The following DSC2 variants were observed in gnomAD, a reference collection of about 807,000 sequenced individuals.
DSC2 encodes the protein desmocollin-2.
In DSC2, 51 loss-of-function variants were observed where a neutral mutation model predicts 87.6. That is an observed-to-expected ratio of 0.58 (90% CI 0.46 to 0.74). The LOEUF is 0.74. DSC2 is among the 30% of genes least tolerant of loss of function. The pLI, the probability that DSC2 is intolerant of heterozygous loss-of-function variation, is 0.00. For synonymous variants in DSC2, 383 were observed against 393.2 expected (o/e 0.97, Z 0.31); for missense variants, 1,066 against 1,089.5 (o/e 0.98, Z 0.30).
Position 31,067,005 on chromosome 18 carries a change from T to C in DSC2, c.*1010A>G, listed in dbSNP as rs892047322. ...TCTTGTTGTTAACACAGAGCACTGC[T>C]TCTAATAAAAGCATGGCATAGTTCT... is the stretch of plus-strand genomic sequence containing the variant. On this transcript the variant is annotated 3_prime_UTR_variant, in exon 16 of 16. Transcript: ENST00000280904. 1.3e-5 allele frequency: 2 copies of C among 152,130 alleles called. No individual in the cohort carries two copies. The highest frequency in any genetic ancestry group is 1.3e-4 in the Admixed American group (2 of 15,264). The allele number at this position is 152,130 out of a possible 1,614,324, so 9.4% of individuals were successfully genotyped here. A position where few individuals can be genotyped will look rare whatever the true frequency, so the allele number is the denominator to read the frequency against.
chr18:31,071,483 C>G, intron 13 of DSC2, 122 bp downstream of exon 13: 2 of 847,012 alleles, frequency 2.4e-6, no homozygotes, highest in Non-Finnish European at 4.0e-6. Flanking sequence ...GAGGCAGAGT[C>G]TGCAGTGAGC....
At chr18:31,091,696 C>A (rs569993894) in intron 3 of DSC2, 2 of 427,918 alleles carry the variant, frequency 4.7e-6, no homozygotes, top group Non-Finnish European at 9.4e-6. Context: ...GTGGTCCAAA[C>A]CTCCTCCTAA....
intron 15 of DSC2, 149 bp from the exon 16 acceptor site, chr18:31,068,361 C>T: frequency 6.2e-7 from 1 of 1,611,058 alleles, no homozygotes; most frequent in East Asian, 2.2e-5. Context: ...ATAAAAAATG[C>T]ACATGATTGG....
chr18:31,091,816 C>T (rs555489543), intron 3 of DSC2, among the ~76,000 whole-genome samples: 12 of 152,032 alleles, frequency 7.9e-5, no homozygotes, highest in East Asian at 1.9e-4. Flanking sequence ...ATCCATTCTA[C>T]GGTAAAGCTC....
At chr18:31,080,420 TATA>T in intron 9 of DSC2, 68 bp from the exon 10 acceptor site, 1 of 1,557,026 alleles carries the variant, frequency 6.4e-7, no homozygotes, top group South Asian at 1.1e-5. Context: ...AACGAGTATA[TATA>T]ATGTTAAATT....
chr18:31,101,112 C>A (rs1987931167), intron 1 of DSC2: 2 of 901,132 alleles, frequency 2.2e-6, no homozygotes, highest in Admixed American at 6.2e-5. Flanking sequence ...GCAGAAAAAT[C>A]GAGTCGCCTC....
chr18:31,089,579 C>T lies in DSC2; in HGVS notation c.490G>A (p.Ala164Thr), dbSNP rs978623916. The T allele has an allele frequency of 5.6e-6, 9 of 1,613,642 alleles. No homozygotes were observed. In the African/African-American group the frequency reaches 1.1e-4, roughly 19 times the overall value. ...GAATAGTATATGGTATAGTTTTGGG[C>T]CGTGTCAGATTGAACCTAGAAAGTA... Reference protein sequence around the residue: ...LFLQQVQSDTAQNYTIYYSIR... With the variant: ...LFLQQVQSDTTQNYTIYYSIR... The change falls in exon 5 of 16, where the codon GCC (alanine) becomes ACC (threonine). Residue 164 changes from alanine to threonine, a missense_variant. By Grantham distance (58) the Ala-to-Thr change is moderately conservative. Transcript: ENST00000280904.
intron 14 of DSC2, among the ~76,000 whole-genome samples, chr18:31,070,327 C>A (rs543857715): frequency 6.6e-6 from 1 of 152,170 alleles, no homozygotes; most frequent in South Asian, 2.1e-4. Flanking sequence ...GTTCTTCCCA[C>A]GATGATCAAG....
rs1987618587 is a variant in DSC2, at chr18:31,092,091, C to G, written c.354+10G>C. 2 of 1,606,098 alleles carry G rather than the reference C, an allele frequency of 1.2e-6. No homozygotes were observed. The highest frequency in any genetic ancestry group is 1.3e-5 in the African/African-American group (1 of 74,774). ...AGATATCATTTCTTCATTTATGTAGCCTTGTATACCTTTGTTTGATGCTCC... is the reference window on the plus strand; with the variant it reads ...AGATATCATTTCTTCATTTATGTAGGCTTGTATACCTTTGTTTGATGCTCC... On this transcript the variant is annotated intron_variant, in intron 3 of 15. Coordinates refer to ENST00000280904, the MANE Select transcript of DSC2 (RefSeq NM_024422.6).
intron 1 of DSC2, among the ~76,000 whole-genome samples, chr18:31,094,664 A>T (rs1987708221): frequency 6.6e-6 from 1 of 152,216 alleles, no homozygotes; most frequent in Non-Finnish European, 1.5e-5. Flanking sequence ...AAATCATCAA[A>T]ATTTGGATGG....
Position 31,061,794 on chromosome 18 carries a change from G to C in DSC2, c.*6221C>G, listed in dbSNP as rs529948889. 6.6e-6 allele frequency: 1 copy of C among 152,156 alleles called. No homozygotes were observed. The highest frequency in any genetic ancestry group is 1.5e-5 in the Non-Finnish European group (1 of 68,026). 9.4% of individuals were successfully genotyped at this position (152,156 alleles called of 1,614,324 possible). ...CAAAAGTAATAGGTTCTGCTTCTTA[G>C]CTATTGATGGGATAAAGAACACAAG... is the stretch of plus-strand genomic sequence containing the variant. On this transcript the variant is annotated 3_prime_UTR_variant, in exon 16 of 16. Coordinates refer to ENST00000280904, the MANE Select transcript of DSC2 (RefSeq NM_024422.6).
Position 31,068,069 on chromosome 18 carries a change from CA to C in DSC2, c.2651del (p.Leu884TrpfsTer11). ...ERQEEDGLEF[L>X]DNLEPKFRTL... ...TCCTAAATTTGGGCTCCAAATTATC[CA>C]AAAATTCAAGCCCATCTTCTTCTTG... On this transcript the variant is annotated frameshift_variant, in exon 16 of 16. Coordinates refer to ENST00000280904, the MANE Select transcript of DSC2 (RefSeq NM_024422.6). LOFTEE classifies it high-confidence loss of function. 6.2e-7 allele frequency: 1 copy of C among 1,613,876 alleles called. No individual in the cohort carries two copies. Among genetic ancestry groups the C allele is most frequent in the South Asian group, 1.1e-5 (1 of 91,056 alleles).
chr18:31,074,928 A>G, intron 11 of DSC2, 21 bp from the exon 12 acceptor site: 1 of 1,597,242 alleles, frequency 6.3e-7, no homozygotes, highest in South Asian at 1.1e-5. Flanking sequence ...GAAAATAAAA[A>G]TAGTTTTTCT....
rs1986488623 is a variant in DSC2 at position 31,060,938 on chromosome 18, C to CA, written c.*7076dup. ...GCTTAATATGTTTTATATGAAAAGG[C>CA]AAATTTTAAATACTTAAGTTTCATA... On this transcript the variant is annotated 3_prime_UTR_variant, in exon 16 of 16. Transcript: ENST00000280904. The CA allele has an allele frequency of 6.6e-6, 1 of 152,104 alleles. No individual in the cohort carries two copies. The highest frequency in any genetic ancestry group is 2.4e-5 in the African/African-American group (1 of 41,408). The allele number at this position is 152,104 out of a possible 1,614,324, so 9.4% of individuals were successfully genotyped here. A position where few individuals can be genotyped will look rare whatever the true frequency, so the allele number is the denominator to read the frequency against.
Position 31,086,597 on chromosome 18 carries a change from T to A in DSC2, c.921A>T (p.Thr307=). The A allele has an allele frequency of 6.2e-7, 1 of 1,614,140 alleles. No individual in the cohort carries two copies. Among genetic ancestry groups the A allele is most frequent in the Non-Finnish European group, 8.5e-7 (1 of 1,179,998 alleles). Residue 307 remains threonine (T), a synonymous_variant, in exon 7 of 16, where the codon ACA becomes ACT. Transcript: ENST00000280904. ...TTACCTCTCTGTCTAGCTGAGATGATGTTGTGGTGATCACGCCTGTAGTTG... is the reference window on the plus strand; with the variant it reads ...TTACCTCTCTGTCTAGCTGAGATGAAGTTGTGGTGATCACGCCTGTAGTTG... The part of the protein sequence containing the change: ...MHPTTGVITT[T]SSQLDRELID...
chr18:31,059,787 T>G lies in DSC2; in HGVS notation c.*8228A>C, dbSNP rs1296575410. ...ACCTATCCTAGTTTTAAAATACTAC[T>G]ATAGTTTATGTCTTTTCCCATTTAA... On this transcript the variant is annotated 3_prime_UTR_variant, in exon 16 of 16. Coordinates refer to ENST00000280904, the MANE Select transcript of DSC2 (RefSeq NM_024422.6). The G allele has an allele frequency of 1.3e-5, 2 of 152,238 alleles. No individual in the cohort carries two copies. Among genetic ancestry groups the G allele is most frequent in the Non-Finnish European group, 2.9e-5 (2 of 68,038 alleles). The allele number at this position is 152,238 out of a possible 1,614,324, so 9.4% of individuals were successfully genotyped here.
chr18:31,068,958 T>C lies in DSC2; in HGVS notation c.2444A>G (p.Glu815Gly), dbSNP rs1473364512. 1 of 1,614,078 alleles carries C rather than the reference T, an allele frequency of 6.2e-7. No homozygotes were observed. Among genetic ancestry groups the C allele is most frequent in the Admixed American group, 1.7e-5 (1 of 60,018 alleles). ...TLDSCRGGHT[E>G]VDNCRYTYSE... Reference sequence around the variant, plus strand: ...GTAAGTGTATCTGCAGTTGTCCACCTCCGTGTGTCCTCCCCTGCAGGAGTC... The same window carrying C: ...GTAAGTGTATCTGCAGTTGTCCACCCCCGTGTGTCCTCCCCTGCAGGAGTC... The change falls in exon 15 of 16, where the codon GAG becomes GGG. Residue 815 changes from glutamate (E) to glycine (G), a missense_variant. By Grantham distance (98) the Glu-to-Gly change is moderately conservative. Coordinates refer to ENST00000280904, the MANE Select transcript of DSC2 (RefSeq NM_024422.6).
In DSC2 at chr18:31,062,964, G is replaced by A. The variant is rs1353443762; in HGVS notation, c.*5051C>T. 1.3e-5 allele frequency: 2 copies of A among 152,128 alleles called. No individual in the cohort carries two copies. Among genetic ancestry groups the A allele is most frequent in the Admixed American group, 1.3e-4 (2 of 15,260 alleles). The allele number at this position is 152,128 out of a possible 1,614,324, so 9.4% of individuals were successfully genotyped here. ...AATTTATGCCACAGAAAATTAGTAT[G>A]TGCTGAGAATAAAAAACCTAACTTT... On this transcript the variant is annotated 3_prime_UTR_variant, in exon 16 of 16. Transcript: ENST00000280904.
intron 7 of DSC2, among the ~76,000 whole-genome samples, chr18:31,084,602 A>G (rs752607745): frequency 9.9e-5 from 15 of 152,072 alleles, no homozygotes; most frequent in Non-Finnish European, 1.5e-4. Flanking sequence ...AGAAGAATCT[A>G]TTCAAAGAAA....
Sources: allele counts gnomAD v4.1 joint callset (sites outside exome capture counted in the v4.1 genomes callset), GRCh38; gene constraint gnomAD v4.1.1; transcripts MANE v1.5; gene names NCBI Gene and HGNC (gene_info 2026-07-23, HGNC 2026-07-21).